EPHA6: variants seen among roughly 807,000 people sequenced by gnomAD.
EPHA6 encodes ephrin type-A receptor 6.
A neutral mutation model predicts 112.0 loss-of-function variants in EPHA6; 50 were observed. That is an observed-to-expected ratio of 0.45 (90% CI 0.36 to 0.56). EPHA6 has a LOEUF of 0.56. Ranked by LOEUF, EPHA6 falls within the 20% of genes least tolerant of loss-of-function variation. The pLI, the probability that EPHA6 is intolerant of heterozygous loss-of-function variation, is 0.00. For missense variants in EPHA6, 1,280 were observed against 1,417.4 expected (o/e 0.90, Z 1.56); for synonymous variants, 529 against 490.7 (o/e 1.08, Z -1.03).
chr3:97,145,783 G>A (rs7635837), intron 3 of EPHA6, among the ~76,000 whole-genome samples: 8,835 of 151,572 alleles, frequency 0.058, 872 homozygotes, highest in African/African-American at 0.2. Flanking sequence ...AAATTATTTT[G>A]TATTTTTACA....
chr3:97,746,058 T>C (rs2035702058), intron 16 of EPHA6, among the ~76,000 whole-genome samples: 1 of 151,880 alleles, frequency 6.6e-6, no homozygotes, highest in South Asian at 2.1e-4. Flanking sequence ...AAAAACACTT[T>C]GATAAAACAG....
intron 5 of EPHA6, among the ~76,000 whole-genome samples, chr3:97,381,752 T>C (rs2085749112): frequency 6.6e-6 from 1 of 152,132 alleles, no homozygotes; most frequent in African/African-American, 2.4e-5. Flanking sequence ...GTTAGAGGTA[T>C]CCTGGAGCAT....
At chr3:97,287,603 T>C (rs377352780) in intron 5 of EPHA6, among the ~76,000 whole-genome samples, 1 of 152,236 alleles carries the variant, frequency 6.6e-6, no homozygotes. Context: ...TTTATGTTTA[T>C]TGAGAGTTTT....
intron 14 of EPHA6, among the ~76,000 whole-genome samples, chr3:97,644,440 GA>G (rs2094039109): frequency 6.6e-6 from 1 of 150,892 alleles, no homozygotes; most frequent in Admixed American, 6.6e-5. Flanking sequence ...ACTAAGATCA[GA>G]GCAGAACTGA....
intron 14 of EPHA6, among the ~76,000 whole-genome samples, chr3:97,698,648 A>G (rs1215606226): frequency 6.6e-6 from 1 of 152,226 alleles, no homozygotes; most frequent in Non-Finnish European, 1.5e-5. Context: ...GGAGAGCAGT[A>G]TTATATAAAG....
At chr3:97,167,690 G>T (rs2076575618) in intron 3 of EPHA6, among the ~76,000 whole-genome samples, 1 of 151,948 alleles carries the variant, frequency 6.6e-6, no homozygotes, top group Admixed American at 6.6e-5. Flanking sequence ...AAACTCTAAA[G>T]AATAGTGTTC....
At chr3:96,863,357 A>C (rs768001817) in intron 1 of EPHA6, among the ~76,000 whole-genome samples, 5 of 152,080 alleles carry the variant, frequency 3.3e-5, no homozygotes, top group Non-Finnish European at 7.4e-5. Context: ...TGTTCAACGT[A>C]ATTAGTGTGC....
intron 7 of EPHA6, among the ~76,000 whole-genome samples, chr3:97,474,229 T>G (rs915752820): frequency 1.3e-5 from 2 of 151,970 alleles, no homozygotes; most frequent in Admixed American, 6.6e-5. Context: ...AATTATTATG[T>G]TAGAGACTTC....
intron 5 of EPHA6, among the ~76,000 whole-genome samples, chr3:97,348,831 T>C (rs532597699): frequency 1.3e-4 from 20 of 152,042 alleles, no homozygotes; most frequent in Non-Finnish European, 2.8e-4. Flanking sequence ...CATAGGTGTT[T>C]TTATTCCATG....
chr3:97,621,101 A>T (rs1159656264), intron 13 of EPHA6, among the ~76,000 whole-genome samples: 1 of 152,040 alleles, frequency 6.6e-6, no homozygotes, highest in Non-Finnish European at 1.5e-5. Flanking sequence ...TAATGAGATC[A>T]CATCCTTTGC....
At chr3:97,619,043 A>G (rs928986015) in intron 13 of EPHA6, among the ~76,000 whole-genome samples, 1 of 152,156 alleles carries the variant, frequency 6.6e-6, no homozygotes, top group South Asian at 2.1e-4. Context: ...ATCCAGCAGC[A>G]CATCAAAGAG....
At chr3:96,877,704 C>T (rs1024496186) in intron 2 of EPHA6, among the ~76,000 whole-genome samples, 2 of 149,456 alleles carry the variant, frequency 1.3e-5, no homozygotes, top group Non-Finnish European at 3.0e-5. Flanking sequence ...ATTAATGTAC[C>T]ATAGTCAGCA....
At chr3:97,583,871 C>T (rs1408341800) in intron 11 of EPHA6, among the ~76,000 whole-genome samples, 2 of 152,146 alleles carry the variant, frequency 1.3e-5, no homozygotes, top group Admixed American at 1.3e-4. Flanking sequence ...AGGAATCTGC[C>T]AACCAAGGTA....
chr3:96,954,288 T>A (rs1014746210), intron 2 of EPHA6, among the ~76,000 whole-genome samples: 5 of 152,156 alleles, frequency 3.3e-5, no homozygotes, highest in African/African-American at 1.2e-4. Flanking sequence ...AACTCTACAG[T>A]GGTTCAACGT....
At chr3:97,273,836 G>C (rs959551571) in intron 5 of EPHA6, among the ~76,000 whole-genome samples, 1 of 152,180 alleles carries the variant, frequency 6.6e-6, no homozygotes, top group Non-Finnish European at 1.5e-5. Flanking sequence ...GGCCTTCTCA[G>C]ACCCTGTAGG....
chr3:97,471,285 G>T (rs16838733), intron 7 of EPHA6, among the ~76,000 whole-genome samples: 2 of 151,454 alleles, frequency 1.3e-5, no homozygotes, highest in African/African-American at 2.4e-5. Context: ...CACTGCCAGA[G>T]GCTGCTTATT....
chr3:97,076,204 A>G (rs2046519563), intron 3 of EPHA6, among the ~76,000 whole-genome samples: 2 of 152,206 alleles, frequency 1.3e-5, no homozygotes, highest in Admixed American at 1.3e-4. Flanking sequence ...TTTTTGTGCC[A>G]GATTGCCAAA....
intron 12 of EPHA6, among the ~76,000 whole-genome samples, chr3:97,597,593 T>A (rs1228196946): frequency 1.3e-5 from 2 of 152,184 alleles, no homozygotes; most frequent in African/African-American, 4.8e-5. Context: ...ATAAACCACA[T>A]ATCCAATAAT....
chr3:97,570,927 T>C (rs2093326801), intron 11 of EPHA6, among the ~76,000 whole-genome samples: 1 of 152,116 alleles, frequency 6.6e-6, no homozygotes, highest in Admixed American at 6.6e-5. Flanking sequence ...ACCAGCACTG[T>C]AGAGTCTAGA....
Sources: gnomAD v4.1 joint callset for allele counts (sites outside exome capture counted in the v4.1 genomes callset) on GRCh38, gnomAD v4.1.1 for gene constraint, MANE v1.5 for transcripts, NCBI Gene and HGNC (gene_info 2026-07-23, HGNC 2026-07-21) for gene names.